The following GON4L variants were observed in gnomAD, a reference collection of about 807,000 sequenced individuals.
GON4L encodes the protein GON-4-like protein.
Under a neutral mutation model 211.8 loss-of-function variants are expected in GON4L, and 87 were observed. That is an observed-to-expected ratio of 0.41 (90% CI 0.35 to 0.49). The LOEUF (loss-of-function observed/expected upper bound fraction) is 0.49, where lower values mean the gene tolerates loss of function less well. GON4L is among the 20% of genes least tolerant of loss of function. The pLI is 0.15. For synonymous variants in GON4L, 875 were observed against 962.6 expected (o/e 0.91, Z 1.68); for missense variants, 2,155 against 2,659.5 (o/e 0.81, Z 4.17).
In GON4L at chr1:155,805,025, A is replaced by G. The variant is rs755795538; in HGVS notation, c.1569T>C (p.Tyr523=). 35 of 1,613,622 alleles carry G rather than the reference A, an allele frequency of 2.2e-5. No homozygotes were observed. Among genetic ancestry groups the G allele is most frequent in the Non-Finnish European group, 2.9e-5 (34 of 1,179,690 alleles). Residue 523 remains tyrosine, a synonymous_variant, in exon 11 of 32, where the codon TAT becomes TAC. Coordinates refer to ENST00000368331, the MANE Select transcript of GON4L (RefSeq NM_001282860.2). Reference sequence around the variant, plus strand: ...CCTCATCATCTGCCGTATTGGGGTCATACATATCTGGAGTGATGTCTGGAG... The same window carrying G: ...CCTCATCATCTGCCGTATTGGGGTCGTACATATCTGGAGTGATGTCTGGAG... ...LQAPDITPDM[Y]DPNTADDEDW... is the part of the protein sequence containing the mutation.
intron 11 of GON4L, among the ~76,000 whole-genome samples, chr1:155,796,153 C>A (rs1449783132): frequency 6.6e-6 from 1 of 151,898 alleles, no homozygotes; most frequent in Non-Finnish European, 1.5e-5. Flanking sequence ...ACATAATAAT[C>A]ATAAGCATGA....
At chr1:155,833,490 C>CA (rs1465997738) in intron 2 of GON4L, among the ~76,000 whole-genome samples, 1 of 150,578 alleles carries the variant, frequency 6.6e-6, no homozygotes, top group Non-Finnish European at 1.5e-5. Context: ...ACTAAAAATA[C>CA]AAAAAATTAG....
At chr1:155,807,580 T>C (rs893268201) in intron 10 of GON4L, among the ~76,000 whole-genome samples, 2 of 150,830 alleles carry the variant, frequency 1.3e-5, no homozygotes, top group Non-Finnish European at 2.9e-5. Flanking sequence ...GGCAGGCGCC[T>C]GTAGTCCCAG....
At chr1:155,745,707 AG>A (rs2101562466), downstream of GON4L, 4 of 819,322 alleles carry the variant, frequency 4.9e-6, no homozygotes, top group East Asian at 1.0e-4. Flanking sequence ...CCAATGGGAA[AG>A]GATGTGTTTG....
At chr1:155,831,887 A>T (rs1467623310) in intron 2 of GON4L, among the ~76,000 whole-genome samples, 2 of 151,992 alleles carry the variant, frequency 1.3e-5, no homozygotes, top group East Asian at 3.9e-4. Context: ...TCATCTCTTT[A>T]AAAAAAATAA....
At position 155,757,173 on chromosome 1, in the gene GON4L, C is replaced by G; in HGVS notation, c.5397+7G>C. On this transcript the variant is annotated splice_region_variant and intron_variant, in intron 26 of 31. Coordinates refer to ENST00000368331, the MANE Select transcript of GON4L (RefSeq NM_001282860.2). ...TCATAAGGCTACAGCAGCCTTAGGTCCTATACCTCATACTCCTTTTCCTCA... is the reference window on the plus strand; with the variant it reads ...TCATAAGGCTACAGCAGCCTTAGGTGCTATACCTCATACTCCTTTTCCTCA... 1 of 1,613,960 alleles carries G rather than the reference C, an allele frequency of 6.2e-7. No individual in the cohort carries two copies. The highest frequency in any genetic ancestry group is 1.1e-5 in the South Asian group (1 of 91,074).
chr1:155,767,547 C>T lies in GON4L; in HGVS notation c.2647-6G>A, dbSNP rs1662647702. 6.2e-7 allele frequency: 1 copy of T among 1,607,846 alleles called. No homozygotes were observed. Among genetic ancestry groups the T allele is most frequent in the Admixed American group, 1.7e-5 (1 of 59,566 alleles). On this transcript the variant is annotated splice_polypyrimidine_tract_variant and splice_region_variant and intron_variant, in intron 19 of 31. Coordinates refer to ENST00000368331, the MANE Select transcript of GON4L (RefSeq NM_001282860.2). ...TGTTTGGTCTTCTTATAAAACTTAA[C>T]ATGAAAAAAATGCGCATGAATTACA...
intron 11 of GON4L, among the ~76,000 whole-genome samples, chr1:155,803,705 A>C (rs1666892468): frequency 6.6e-6 from 1 of 152,130 alleles, no homozygotes. Flanking sequence ...TATCAATCCC[A>C]TGTAGTACCA....
chr1:155,752,270 CAG>C lies in GON4L; in HGVS notation c.6161_6162del (p.Pro2054ArgfsTer42). On this transcript the variant is annotated frameshift_variant, in exon 30 of 32. Transcript: ENST00000368331. LOFTEE classifies it high-confidence loss of function. ...TVEPPASFLS[P>X]VSSKTRDAGR... ...CCTGCATCTCTGGTCTTTGAGGAAA[CAG>C]GACTCAGGAAGGAAGCAGGGGGTTC... is the stretch of plus-strand genomic sequence containing the variant. 1 of 1,595,244 alleles carries C rather than the reference CAG, an allele frequency of 6.3e-7. No homozygotes were observed. The highest frequency in any genetic ancestry group is 1.1e-5 in the South Asian group (1 of 90,636).
chr1:155,780,664 AC>A (rs1461918538), intron 14 of GON4L, among the ~76,000 whole-genome samples: 1 of 152,000 alleles, frequency 6.6e-6, no homozygotes, highest in African/African-American at 2.4e-5. Context: ...CTAACTTCCC[AC>A]CCCTACCCTC....
chr1:155,745,323 T>C (rs1193578193), downstream of GON4L, among the ~76,000 whole-genome samples: 1 of 152,162 alleles, frequency 6.6e-6, no homozygotes, highest in Admixed American at 6.5e-5. Context: ...ATATGATAGC[T>C]AGGTCAGTCC....
chr1:155,797,469 T>C (rs1666181206), intron 11 of GON4L, among the ~76,000 whole-genome samples: 1 of 151,146 alleles, frequency 6.6e-6, no homozygotes, highest in African/African-American at 2.4e-5. Context: ...TTTTTTTTTT[T>C]CGAGAGGGAG....
At chr1:155,747,669 G>T, downstream of GON4L, 2 of 1,613,904 alleles carry the variant, frequency 1.2e-6, no homozygotes, top group Middle Eastern at 1.7e-4. Context: ...GGAGGAATGT[G>T]ACTACTTGCA....
chr1:155,843,357 A>G (rs760684163), intron 2 of GON4L, among the ~76,000 whole-genome samples: 1 of 152,022 alleles, frequency 6.6e-6, no homozygotes, highest in African/African-American at 2.4e-5. Flanking sequence ...CACCCTGCAA[A>G]CCTCACAGCC....
At chr1:155,847,070 T>A (rs1671316665) in intron 2 of GON4L, among the ~76,000 whole-genome samples, 1 of 152,220 alleles carries the variant, frequency 6.6e-6, no homozygotes, top group South Asian at 2.1e-4. Context: ...TCAGTCTGTT[T>A]CTGGTAATTT....
At position 155,754,389 on chromosome 1, in the gene GON4L, G is replaced by A. The variant is rs773053669; in HGVS notation, c.5617C>T (p.His1873Tyr). The A allele has an allele frequency of 1.2e-6, 2 of 1,605,300 alleles. No individual in the cohort carries two copies. Among genetic ancestry groups the A allele is most frequent in the East Asian group, 2.2e-5 (1 of 44,822 alleles). ...ACTTTCCTCACCTTGCTGCTACAGT[G>A]GCTACAGCTCCGCCTTTTGCTCTTC... ...LKKSKRRSCSHCSSKVCDSKS... is the reference protein window; with the variant it reads ...LKKSKRRSCSYCSSKVCDSKS... Residue 1873 changes from histidine (H) to tyrosine (Y), a missense_variant, in exon 28 of 32, where the codon CAC (histidine) becomes TAC (tyrosine). By Grantham distance (83) the His-to-Tyr change is moderately conservative (BLOSUM62 2). Around this residue, in one of 6 missense-constraint regions of GON4L, gnomAD observed 455 missense variants for 504.6 expected, o/e 0.90. Transcript: ENST00000368331.
intron 20 of GON4L, 113 bp from the exon 21 acceptor site, chr1:155,766,822 G>C: frequency 6.6e-7 from 1 of 1,515,438 alleles, no homozygotes; most frequent in Non-Finnish European, 9.0e-7. Context: ...GAAGTGGGCA[G>C]ATCACTTGAG....
chr1:155,775,017 T>C lies in GON4L; in HGVS notation c.2335A>G (p.Thr779Ala), dbSNP rs768335548. 1 of 1,612,238 alleles carries C rather than the reference T, an allele frequency of 6.2e-7. No homozygotes were observed. The highest frequency in any genetic ancestry group is 8.5e-7 in the Non-Finnish European group (1 of 1,178,606). The change falls in exon 17 of 32, where the codon ACT becomes GCT. Residue 779 changes from threonine (T) to alanine (A), a missense_variant. Physicochemically the swap from Thr to Ala is moderately conservative, Grantham distance 58 (BLOSUM62 0). This residue lies in a region of GON4L where 551 missense variants were observed against 854.0 expected (regional missense o/e 0.65). Transcript: ENST00000368331. ...HVSIDCSPHKTVKKTANEFPC... is the reference protein window; with the variant it reads ...HVSIDCSPHKAVKKTANEFPC... ...TGTCTCCTACCAGTCTTCTTGACAG[T>C]TTTATGAGGGCTGCAGTCAATGCTG...
At chr1:155,790,264 T>C (rs1438525607) in intron 12 of GON4L, among the ~76,000 whole-genome samples, 4 of 152,070 alleles carry the variant, frequency 2.6e-5, no homozygotes, top group Non-Finnish European at 5.9e-5. Context: ...CACACCCGGC[T>C]AATTTTTGTA....
Sources: allele counts gnomAD v4.1 joint callset (sites outside exome capture counted in the v4.1 genomes callset), GRCh38; gene constraint gnomAD v4.1.1; regional missense constraint gnomAD v4.1.1; transcripts MANE v1.5; gene names NCBI Gene and HGNC (gene_info 2026-07-23, HGNC 2026-07-21).